Variants in EYA4 observed in about 807,000 individuals in gnomAD.
EYA4 encodes protein phosphatase EYA4.
Under a neutral mutation model 87.9 loss-of-function variants are expected in EYA4, and 31 were observed. The ratio of observed to expected loss-of-function variants is 0.35; its 90% CI spans 0.27 to 0.48. The LOEUF is 0.48. Among genes scored for constraint, EYA4 ranks in the 20% least tolerant of loss-of-function variants. EYA4 has a pLI of 0.99. For synonymous variants in EYA4, 263 were observed against 270.6 expected, an observed-to-expected ratio of 0.97 and a Z score of 0.28; for missense variants, 678 against 761.4, an observed-to-expected ratio of 0.89 and a Z score of 1.29.
chr6:133,382,165 C>T (rs1307605721), intron 2 of EYA4, among the ~76,000 whole-genome samples: 1 of 152,120 alleles, frequency 6.6e-6, no homozygotes, highest in Non-Finnish European at 1.5e-5. Context: ...CCAGTTATTT[C>T]AGCTGAACAT....
At chr6:133,356,057 A>G (rs111272808) in intron 2 of EYA4, among the ~76,000 whole-genome samples, 28 of 135,680 alleles carry the variant, frequency 2.1e-4, no homozygotes, top group South Asian at 2.3e-4. Flanking sequence ...GAAAGAGAGA[A>G]AGAGAGAGAG....
At chr6:133,276,401 A>G (rs1201099728) in intron 2 of EYA4, among the ~76,000 whole-genome samples, 2 of 152,184 alleles carry the variant, frequency 1.3e-5, no homozygotes, top group African/African-American at 2.4e-5. Context: ...GTATATACTC[A>G]AGAAAGAATT....
intron 13 of EYA4, among the ~76,000 whole-genome samples, chr6:133,505,595 C>T (rs1003639338): frequency 3.3e-5 from 5 of 152,182 alleles, no homozygotes; most frequent in Admixed American, 3.3e-4. Context: ...GTCGCACCAT[C>T]CTCTGCCAGC....
intron 2 of EYA4, among the ~76,000 whole-genome samples, chr6:133,310,180 T>C (rs918850106): frequency 1.3e-5 from 2 of 152,202 alleles, no homozygotes; most frequent in Non-Finnish European, 2.9e-5. Context: ...GGATGGTCAA[T>C]AATTTCTACT....
chr6:133,310,360 C>A (rs992346376), intron 2 of EYA4, among the ~76,000 whole-genome samples: 6 of 152,160 alleles, frequency 3.9e-5, no homozygotes, highest in Non-Finnish European at 7.4e-5. Flanking sequence ...TCATTTATCT[C>A]CCACCAATAT....
At chr6:133,327,452 A>T (rs1278025168) in intron 2 of EYA4, among the ~76,000 whole-genome samples, 2 of 152,270 alleles carry the variant, frequency 1.3e-5, no homozygotes, top group South Asian at 4.1e-4. Flanking sequence ...TTTTTTAAGG[A>T]ACCTTATCAT....
chr6:133,402,263 A>G (rs1359760339), intron 3 of EYA4, among the ~76,000 whole-genome samples: 3 of 152,118 alleles, frequency 2.0e-5, no homozygotes, highest in Non-Finnish European at 4.4e-5. Context: ...ACACAGAAGG[A>G]TTTCTAATGG....
chr6:133,365,332 T>C (rs1784777092), intron 2 of EYA4, among the ~76,000 whole-genome samples: 1 of 152,140 alleles, frequency 6.6e-6, no homozygotes, highest in Admixed American at 6.5e-5. Flanking sequence ...TACTTATGTA[T>C]TGAAATAGTT....
chr6:133,249,255 A>G (rs1244032718), intron 1 of EYA4, among the ~76,000 whole-genome samples: 1 of 152,190 alleles, frequency 6.6e-6, no homozygotes, highest in African/African-American at 2.4e-5. Flanking sequence ...ATCCTCAGGT[A>G]TTCAAATTAG....
intron 1 of EYA4, among the ~76,000 whole-genome samples, chr6:133,243,931 C>T (rs890583758): frequency 3.9e-5 from 6 of 152,210 alleles, no homozygotes; most frequent in Non-Finnish European, 5.9e-5. Context: ...GACATAACTA[C>T]ACCCACATTT....
At position 133,412,165 on chromosome 6, in the gene EYA4, C is replaced by G. The variant is rs184455796; in HGVS notation, c.83+29724C>G. 4.5e-3 allele frequency among the ~76,000 whole-genome samples: 681 copies of G among 152,240 alleles called. 9 individuals are homozygous for G. The highest frequency in any genetic ancestry group is 0.016 in the African/African-American group (655 of 41,530). On this transcript the variant is annotated intron_variant, in intron 3 of 19. Transcript: ENST00000355286. ...AGCAAATTTACTAATATTTGCAAAA[C>G]CAGTTTAGACAAAGATAATATATAG...
chr6:133,298,014 C>T (rs1779073171), intron 2 of EYA4, among the ~76,000 whole-genome samples: 1 of 150,562 alleles, frequency 6.6e-6, no homozygotes, highest in Non-Finnish European at 1.5e-5. Context: ...ATTTCTTTTA[C>T]ATTTATTAGT....
At chr6:133,327,138 T>G (rs556870669) in intron 2 of EYA4, among the ~76,000 whole-genome samples, 1 of 152,270 alleles carries the variant, frequency 6.6e-6, no homozygotes, top group East Asian at 1.9e-4. Context: ...ATTTATTTTA[T>G]TTTATTTTTA....
intron 2 of EYA4, among the ~76,000 whole-genome samples, chr6:133,377,784 A>C (rs1368275057): frequency 6.6e-6 from 1 of 151,960 alleles, no homozygotes; most frequent in African/African-American, 2.4e-5. Flanking sequence ...TTCTTTGAAA[A>C]TTGTTCCACA....
chr6:133,311,327 G>A (rs9493589), intron 2 of EYA4, among the ~76,000 whole-genome samples: 72,970 of 151,704 alleles, frequency 0.48, 17,816 homozygotes, highest in Middle Eastern at 0.53. Flanking sequence ...ATTTTTATTT[G>A]TTTATTTATT....
chr6:133,356,746 AGT>A (rs58234857), intron 2 of EYA4, among the ~76,000 whole-genome samples: 4,113 of 136,722 alleles, frequency 0.03, 57 homozygotes, highest in African/African-American at 0.038. Context: ...AGCATTATTC[AGT>A]GTGTGTGTGT....
chr6:133,516,173 G>A (rs536520907), intron 17 of EYA4, among the ~76,000 whole-genome samples: 3 of 152,002 alleles, frequency 2.0e-5, no homozygotes, highest in Admixed American at 6.6e-5. Flanking sequence ...TTAATAAGTG[G>A]GAGCTAAATG....
chr6:133,451,674 A>T (rs1295316928), intron 5 of EYA4, among the ~76,000 whole-genome samples: 1 of 152,226 alleles, frequency 6.6e-6, no homozygotes, highest in African/African-American at 2.4e-5. Flanking sequence ...AGAGGGAGGC[A>T]GACATGAAAA....
intron 3 of EYA4, among the ~76,000 whole-genome samples, chr6:133,397,305 A>G (rs907742630): frequency 1.3e-5 from 2 of 152,176 alleles, no homozygotes; most frequent in African/African-American, 4.8e-5. Flanking sequence ...CCTGAATTCA[A>G]AGCCTTTTCC....
Sources: allele counts gnomAD v4.1 joint callset (sites outside exome capture counted in the v4.1 genomes callset), GRCh38; gene constraint gnomAD v4.1.1; transcripts MANE v1.5; gene names NCBI Gene and HGNC (gene_info 2026-07-23, HGNC 2026-07-21).